Variants in AFF3 observed in about 807,000 individuals in gnomAD.
AFF3 encodes ALF transcription elongation factor 3.
Under a neutral mutation model 129.7 loss-of-function variants are expected in AFF3, and 32 were observed. The ratio of observed to expected loss-of-function variants is 0.25; its 90% CI spans 0.19 to 0.33. The LOEUF is 0.33. Ranked by LOEUF, AFF3 falls within the 10% of genes least tolerant of loss-of-function variation. The pLI is 1.00. For missense variants in AFF3, 1,373 were observed against 1,592.0 expected, an observed-to-expected ratio of 0.86 and a Z score of 2.34; for synonymous variants, 644 against 635.4, an observed-to-expected ratio of 1.01 and a Z score of -0.20.
At chr2:99,683,603 A>C (rs1340423801) in intron 11 of AFF3, among the ~76,000 whole-genome samples, 1 of 151,664 alleles carries the variant, frequency 6.6e-6, no homozygotes, top group Non-Finnish European at 1.5e-5. Flanking sequence ...GTGGCCCACC[A>C]TGCCTGGCTA....
intron 12 of AFF3, among the ~76,000 whole-genome samples, chr2:99,657,391 C>T (rs1052185546): frequency 6.6e-6 from 1 of 152,200 alleles, no homozygotes; most frequent in Non-Finnish European, 1.5e-5. Flanking sequence ...GGATTCTAGT[C>T]ATTTTTGGGG....
chr2:100,061,202 A>C (rs1014939073), intron 4 of AFF3, among the ~76,000 whole-genome samples: 1 of 152,172 alleles, frequency 6.6e-6, no homozygotes, highest in Non-Finnish European at 1.5e-5. Flanking sequence ...GTGATGTTTG[A>C]AGCTAAGTCC....
intron 8 of AFF3, among the ~76,000 whole-genome samples, chr2:99,753,092 C>CTAATAT (rs1681799155): frequency 6.6e-6 from 1 of 151,546 alleles, no homozygotes; most frequent in African/African-American, 2.4e-5. Context: ...GATGTGAACC[C>CTAATAT]TATTATTATT....
At chr2:99,985,463 C>T (rs373636329) in intron 7 of AFF3, among the ~76,000 whole-genome samples, 1 of 152,194 alleles carries the variant, frequency 6.6e-6, no homozygotes, top group African/African-American at 2.4e-5. Flanking sequence ...TAAAAGGAAT[C>T]GCATTTGACC....
At chr2:99,664,844 T>C (rs1167178067) in intron 12 of AFF3, among the ~76,000 whole-genome samples, 1 of 152,196 alleles carries the variant, frequency 6.6e-6, no homozygotes, top group Non-Finnish European at 1.5e-5. Flanking sequence ...TGTAGACAGA[T>C]CTTAGAAAAA....
At chr2:99,640,294 C>T (rs1329837190) in intron 13 of AFF3, among the ~76,000 whole-genome samples, 1 of 151,914 alleles carries the variant, frequency 6.6e-6, no homozygotes, top group East Asian at 1.9e-4. Context: ...GTTTTTAAGC[C>T]TCTTGGTAGG....
intron 7 of AFF3, among the ~76,000 whole-genome samples, chr2:99,852,592 C>A (rs1330325272): frequency 6.6e-6 from 1 of 152,150 alleles, no homozygotes; most frequent in Non-Finnish European, 1.5e-5. Flanking sequence ...TGTGCCAGTA[C>A]CAGGGATACC....
At chr2:99,629,445 C>T (rs927541215) in intron 13 of AFF3, among the ~76,000 whole-genome samples, 1 of 152,164 alleles carries the variant, frequency 6.6e-6, no homozygotes. Context: ...AGGAATATAG[C>T]TAACCAGGGA....
intron 11 of AFF3, among the ~76,000 whole-genome samples, chr2:99,719,954 G>A (rs1000646015): frequency 2.0e-5 from 3 of 152,112 alleles, no homozygotes; most frequent in South Asian, 2.1e-4. Flanking sequence ...GGAGAATGGC[G>A]TGAACCCGGG....
intron 8 of AFF3, among the ~76,000 whole-genome samples, chr2:99,766,640 T>C (rs148720188): frequency 1.8e-3 from 268 of 152,328 alleles, no homozygotes; most frequent in African/African-American, 6.2e-3. Context: ...CAAAAGTTCA[T>C]AGATCTTCAA....
intron 7 of AFF3, among the ~76,000 whole-genome samples, chr2:99,932,807 G>A (rs1175415846): frequency 6.6e-6 from 1 of 152,182 alleles, no homozygotes; most frequent in East Asian, 1.9e-4. Flanking sequence ...CAGAGAGGTG[G>A]CAAGGTAAAC....
chr2:99,955,551 A>G (rs1559007783), intron 7 of AFF3, among the ~76,000 whole-genome samples: 4 of 152,190 alleles, frequency 2.6e-5, no homozygotes, highest in Admixed American at 6.5e-5. Context: ...TATATTTGTC[A>G]TATTTCTGGT....
intron 4 of AFF3, among the ~76,000 whole-genome samples, chr2:100,013,665 T>C (rs909748604): frequency 6.6e-6 from 1 of 152,074 alleles, no homozygotes; most frequent in Non-Finnish European, 1.5e-5. Flanking sequence ...CAGGAATAAA[T>C]GAAATAAGGC....
rs138353487 is a variant in AFF3, at chr2:99,942,182, G to A, written c.873+64450C>T. On this transcript the variant is annotated intron_variant, in intron 7 of 24. Coordinates refer to ENST00000672756, the MANE Select transcript of AFF3 (RefSeq NM_001386135.1). ...CGAAGATGGATGAGACACAGCTCAC[G>A]CCCTCAAGCAAATGACGATCTGCTG... Among the ~76,000 whole-genome samples, 598 of 152,200 alleles carry A rather than the reference G, an allele frequency of 3.9e-3. 6 individuals carry two copies. Among genetic ancestry groups the A allele is most frequent in the African/African-American group, 0.012 (491 of 41,536 alleles).
At chr2:100,082,851 C>T (rs2105363805) in intron 4 of AFF3, among the ~76,000 whole-genome samples, 1 of 152,262 alleles carries the variant, frequency 6.6e-6, no homozygotes, top group Admixed American at 6.5e-5. Context: ...GAGGCCAAGG[C>T]AGGCAGATCA....
intron 7 of AFF3, among the ~76,000 whole-genome samples, chr2:99,859,647 G>A (rs1182232376): frequency 3.3e-5 from 5 of 152,094 alleles, no homozygotes; most frequent in Middle Eastern, 3.4e-3. Context: ...ACTTCAACAC[G>A]TTTTCTTCTC....
Position 99,593,408 on chromosome 2 carries a change from G to A in AFF3, c.2253C>T (p.Asn751=), listed in dbSNP as rs752241159. The A allele has an allele frequency of 2.5e-6, 4 of 1,613,934 alleles. No homozygotes were observed. Among genetic ancestry groups the A allele is most frequent in the East Asian group, 2.2e-5 (1 of 44,836 alleles). Residue 751 remains asparagine, a synonymous_variant, in exon 15 of 25, where the codon AAC becomes AAT. Transcript: ENST00000672756. The stretch of plus-strand genomic sequence containing the variant: ...TGTCCTTTAGAGGGGAGAGAAGTTC[G>A]TTCCGGCCAAAGGGGACCAGTGTGT... The part of the protein sequence containing the change: ...QFYTLVPFGR[N]ELLSPLKDSD...
At chr2:100,059,934 G>A (rs888175402) in intron 4 of AFF3, among the ~76,000 whole-genome samples, 4 of 152,130 alleles carry the variant, frequency 2.6e-5, no homozygotes, top group African/African-American at 4.8e-5. Context: ...GTCATGATGC[G>A]TGTCTTTAAG....
intron 2 of AFF3, among the ~76,000 whole-genome samples, chr2:100,125,968 TG>T (rs1297082016): frequency 6.6e-6 from 1 of 152,206 alleles, no homozygotes; most frequent in East Asian, 1.9e-4. Flanking sequence ...CAGGGTGCCA[TG>T]GCATTCTGTT....
Sources: allele counts gnomAD v4.1 joint callset (sites outside exome capture counted in the v4.1 genomes callset), GRCh38; gene constraint gnomAD v4.1.1; transcripts MANE v1.5; gene names NCBI Gene and HGNC (gene_info 2026-07-23, HGNC 2026-07-21).